The following NPHP4 variants were observed in gnomAD, a reference collection of about 807,000 sequenced individuals.
The protein encoded by NPHP4 is nephrocystin 4, also known as nephrocystin-4.
In NPHP4, 151 loss-of-function variants were observed where a neutral mutation model predicts 155.8. The ratio of observed to expected loss-of-function variants is 0.97; its 90% CI spans 0.85 to 1.11. The LOEUF (loss-of-function observed/expected upper bound fraction) is 1.11. NPHP4 is among the 50% of genes least tolerant of loss of function. The pLI, the probability that NPHP4 is intolerant of heterozygous loss-of-function variation, is 0.00. For missense variants in NPHP4, 1,956 were observed against 1,925.7 expected (o/e 1.02, Z -0.29); for synonymous variants, 845 against 816.8 (o/e 1.03, Z -0.59).
At chr1:5,913,210 C>G (rs1443113617) in intron 11 of NPHP4, among the ~76,000 whole-genome samples, 1 of 151,264 alleles carries the variant, frequency 6.6e-6, no homozygotes. Context: ...CTCCAAGAAG[C>G]TCGTGGCCAG....
In NPHP4 at chr1:5,879,784, CACACACACACGCAA is replaced by C. The variant is rs1236803439; in HGVS notation, c.2611+316_2611+329del. Among the ~76,000 whole-genome samples the C allele has an allele frequency of 4.0e-3, 541 of 136,506 alleles. 8 individuals are homozygous for C. The highest frequency in any genetic ancestry group is 0.012 in the African/African-American group (366 of 30,242). 89.6% of individuals were successfully genotyped at this position (136,506 alleles called of 152,430 possible). A position where few individuals can be genotyped will look rare whatever the true frequency, so the allele number is the denominator to read the frequency against. Reference sequence around the variant, plus strand: ...CAGCACCACGAATGGTGCGCACACACACACACACACGCAAACACACACACACACGCAAACACACA... The same window carrying C: ...CAGCACCACGAATGGTGCGCACACACACACACACACACACGCAAACACACA... On this transcript the variant is annotated intron_variant, in intron 19 of 29. Coordinates refer to ENST00000378156, the MANE Select transcript of NPHP4 (RefSeq NM_015102.5).
At chr1:5,961,754 A>G (rs1160210838) in intron 6 of NPHP4, 40 bp downstream of exon 6, 3 of 1,588,728 alleles carry the variant, frequency 1.9e-6, no homozygotes, top group Non-Finnish European at 2.6e-6. Flanking sequence ...ACTAGGACAG[A>G]CTCACCTCAC....
intron 18 of NPHP4, among the ~76,000 whole-genome samples, chr1:5,883,019 C>T (rs568771010): frequency 4.6e-5 from 7 of 152,334 alleles, no homozygotes; most frequent in African/African-American, 1.7e-4. Context: ...AACAGGGCTC[C>T]CGGTGAGAAG....
intron 3 of NPHP4, among the ~76,000 whole-genome samples, chr1:5,975,370 C>A (rs75886247): frequency 2.1e-3 from 313 of 152,324 alleles, no homozygotes; most frequent in Non-Finnish European, 3.9e-3. Flanking sequence ...GCTGCCCACA[C>A]GGGGCATAGC....
intron 2 of NPHP4, among the ~76,000 whole-genome samples, chr1:5,984,542 A>G (rs116695332): frequency 0.011 from 1,633 of 152,296 alleles, 29 homozygotes; most frequent in African/African-American, 0.037. Flanking sequence ...CTCAAAAAAA[A>G]AGAAAGAATG....
Position 5,905,360 on chromosome 1 carries a change from G to T in NPHP4, c.1887C>A (p.Asn629Lys), listed in dbSNP as rs1303344277. The part of the protein sequence containing the change: ...AVSATEPVTF[N>K]PQKEESDCLQ... ...GACAATCTGATTCTTCCTTCTGAGGGTTAAACGTCACAGGTTCTGTAGCGC... is the reference window on the plus strand; with the variant it reads ...GACAATCTGATTCTTCCTTCTGAGGTTTAAACGTCACAGGTTCTGTAGCGC... The change falls in exon 15 of 30, where the codon AAC becomes AAA. Residue 629 changes from asparagine to lysine, a missense_variant. By Grantham distance (94) the Asn-to-Lys change is moderately conservative. Coordinates refer to ENST00000378156, the MANE Select transcript of NPHP4 (RefSeq NM_015102.5). The surrounding 1 kb of genome is among the most constrained non-coding windows in gnomAD (Gnocchi z 4.0). The T allele has an allele frequency of 1.2e-6, 2 of 1,613,770 alleles. No homozygotes were observed. Among genetic ancestry groups the T allele is most frequent in the Non-Finnish European group, 1.7e-6 (2 of 1,179,782 alleles).
At chr1:5,894,932 C>A (rs969963105) in intron 16 of NPHP4, among the ~76,000 whole-genome samples, 1 of 152,186 alleles carries the variant, frequency 6.6e-6, no homozygotes, top group Non-Finnish European at 1.5e-5. Context: ...TGGAACCAAC[C>A]CAAATGTCCA....
chr1:5,963,773 C>T (rs1488739243), intron 5 of NPHP4, among the ~76,000 whole-genome samples: 8 of 151,430 alleles, frequency 5.3e-5, no homozygotes, highest in African/African-American at 1.2e-4. Flanking sequence ...CTGCAACCTC[C>T]GCCTCCCGAG....
At chr1:5,939,308 G>A (rs1646704031) in intron 9 of NPHP4, among the ~76,000 whole-genome samples, 1 of 152,198 alleles carries the variant, frequency 6.6e-6, no homozygotes, top group Admixed American at 6.5e-5. Flanking sequence ...TAAAGCCTTG[G>A]TCCTCTGCAA....
At chr1:5,909,617 C>T (rs1336107956) in intron 11 of NPHP4, among the ~76,000 whole-genome samples, 1 of 152,108 alleles carries the variant, frequency 6.6e-6, no homozygotes, top group Non-Finnish European at 1.5e-5. Context: ...TTTTGTTAAC[C>T]GAGAAGCTCC....
chr1:5,907,151 C>T lies in NPHP4; in HGVS notation c.1575G>A (p.Gln525=), dbSNP rs2101172741. 4 of 1,582,540 alleles carry T rather than the reference C, an allele frequency of 2.5e-6. No homozygotes were observed. Among genetic ancestry groups the T allele is most frequent in the Non-Finnish European group, 3.4e-6 (4 of 1,163,416 alleles). ...TQHCLARPTS[Q]LPHGSQASPA... is the part of the protein sequence containing the mutation. ...GGGAGGCCTGAGAGCCATGGGGTAG[C>T]TGTGAAGTAGGCCTGGCCAAGCAGT... The change falls in exon 13 of 30, where the codon CAG becomes CAA. Residue 525 remains glutamine (Q), a synonymous_variant. Coordinates refer to ENST00000378156, the MANE Select transcript of NPHP4 (RefSeq NM_015102.5).
In NPHP4 at chr1:5,951,042, G is replaced by C. The variant is rs111861865; in HGVS notation, c.810+1658C>G. 4.2e-3 allele frequency among the ~76,000 whole-genome samples: 636 copies of C among 152,340 alleles called. 6 individuals carry two copies. The highest frequency in any genetic ancestry group is 0.014 in the African/African-American group (602 of 41,578). ...AGAAAAAAGTACGACTTCATTTAAA[G>C]ATAGGTCAAAAGCAGGCAAGCCTAT... On this transcript the variant is annotated intron_variant, in intron 7 of 29. Transcript: ENST00000378156.
chr1:5,867,821 C>A lies in NPHP4; in HGVS notation c.3391G>T (p.Asp1131Tyr). Residue 1131 changes from aspartate to tyrosine, a missense_variant, in exon 24 of 30, where the codon GAC becomes TAC. Asp to Tyr is a radical substitution (Grantham distance 160, BLOSUM62 -3). Coordinates refer to ENST00000378156, the MANE Select transcript of NPHP4 (RefSeq NM_015102.5). This position sits in a 1 kb window ranked among gnomAD's most constrained non-coding sequence, Gnocchi z 4.1. ...LTVELQPHVV[D>Y]QVFRFYHPEL... ...GGGTGATAGAAGCGGAAGACCTGGT[C>A]CACCACGTGGGGCTGCAGCTCCACA... The A allele has an allele frequency of 6.2e-7, 1 of 1,613,648 alleles. No individual in the cohort carries two copies.
At chr1:5,943,117 T>C (rs1646910777) in intron 9 of NPHP4, among the ~76,000 whole-genome samples, 1 of 152,186 alleles carries the variant, frequency 6.6e-6, no homozygotes, top group Non-Finnish European at 1.5e-5. Flanking sequence ...GGGAAGAAAG[T>C]GGTCTGGACA....
rs117261854 is a variant in NPHP4, at chr1:5,900,549, G to A, written c.2143+4068C>T. Among the ~76,000 whole-genome samples the A allele has an allele frequency of 1.5e-4, 23 of 152,234 alleles. No individual in the cohort carries two copies. The East Asian group carries it at 2.1e-3, about 14-fold the overall frequency. On this transcript the variant is annotated intron_variant, in intron 16 of 29. Coordinates refer to ENST00000378156, the MANE Select transcript of NPHP4 (RefSeq NM_015102.5). Reference sequence around the variant, plus strand: ...AAGAACAGTAGTGCCAGGGGAGGAGGGGAGGGCTAAATAGGTGGAGCGCAG... The same window carrying A: ...AAGAACAGTAGTGCCAGGGGAGGAGAGGAGGGCTAAATAGGTGGAGCGCAG...
intron 11 of NPHP4, among the ~76,000 whole-genome samples, chr1:5,916,523 G>C (rs562184034): frequency 3.3e-5 from 5 of 152,268 alleles, no homozygotes; most frequent in Admixed American, 2.6e-4. Flanking sequence ...GTGAAATCAG[G>C]GTCCATCCAT....
At chr1:5,897,529 A>G (rs7519953) in intron 16 of NPHP4, among the ~76,000 whole-genome samples, 43,768 of 152,124 alleles carry the variant, frequency 0.29, 7,358 homozygotes, top group Non-Finnish European at 0.38. Context: ...CGCTCCCGGC[A>G]TTCAAGAACT....
chr1:5,901,869 G>C (rs1355627224), intron 16 of NPHP4, among the ~76,000 whole-genome samples: 5 of 152,180 alleles, frequency 3.3e-5, no homozygotes, highest in Non-Finnish European at 7.4e-5. Context: ...AAAGGCCTCA[G>C]GAGGACTGAA....
intron 16 of NPHP4, among the ~76,000 whole-genome samples, chr1:5,891,984 G>A (rs1389051170): frequency 6.6e-6 from 1 of 152,224 alleles, no homozygotes; most frequent in African/African-American, 2.4e-5. Context: ...CCAAGGGGGT[G>A]GAGCAAGGAC....
Sources: allele counts gnomAD v4.1 joint callset (sites outside exome capture counted in the v4.1 genomes callset), GRCh38; gene constraint gnomAD v4.1.1; non-coding constraint Gnocchi (gnomAD v3.1); transcripts MANE v1.5; gene names NCBI Gene and HGNC (gene_info 2026-07-23, HGNC 2026-07-21).